Variants in PCDHA4 observed in about 807,000 individuals in gnomAD.
PCDHA4 encodes protocadherin alpha 4.
Under a neutral mutation model 61.4 loss-of-function variants are expected in PCDHA4, and 49 were observed. The ratio of observed to expected loss-of-function variants is 0.80; its 90% CI spans 0.63 to 1.01. The LOEUF is 1.01. PCDHA4 is among the 50% of genes least tolerant of loss of function. The pLI is 0.00. For missense variants in PCDHA4, 1,254 were observed against 1,235.8 expected (o/e 1.01, Z -0.22); for synonymous variants, 590 against 550.3 (o/e 1.07, Z -1.01).
At chr5:140,926,409 C>G (rs1426750263) in intron 1 of PCDHA4, 3 of 152,670 alleles carry the variant, frequency 2.0e-5, no homozygotes, top group Admixed American at 6.5e-5. Context: ...CAGCAATCTG[C>G]GGGCAGAGGA....
chr5:140,967,084 T>G (rs782593106), intron 1 of PCDHA4: 1 of 1,613,270 alleles, frequency 6.2e-7, no homozygotes, highest in Admixed American at 1.7e-5. Context: ...AGCGCATTGA[T>G]CGGGAGGCGC....
intron 1 of PCDHA4, among the ~76,000 whole-genome samples, chr5:140,839,337 T>C (rs1776156207): frequency 6.6e-6 from 1 of 151,424 alleles, no homozygotes; most frequent in Non-Finnish European, 1.5e-5. Context: ...CTGAAGTTGA[T>C]AGGGGATCCT....
Position 140,891,839 on chromosome 5 carries a change from T to C in PCDHA4, c.2385+82267T>C, listed in dbSNP as rs10074902. Among the ~76,000 whole-genome samples, 663 of 152,284 alleles carry C rather than the reference T, an allele frequency of 4.4e-3. 7 individuals carry two copies. The highest frequency in any genetic ancestry group is 0.015 in the African/African-American group (618 of 41,564). On this transcript the variant is annotated intron_variant, in intron 1 of 3. Coordinates refer to ENST00000530339, the MANE Select transcript of PCDHA4 (RefSeq NM_018907.4). ...TTAACGGCACTGTAAAAGGACTTGA[T>C]GGAAGGAGCCTGTCCCTCTCTTATG...
chr5:140,870,945 G>T, intron 1 of PCDHA4: 2 of 1,613,724 alleles, frequency 1.2e-6, no homozygotes, highest in Non-Finnish European at 1.7e-6. Flanking sequence ...AGCCGGCGGC[G>T]GGCGGCTCGC....
chr5:140,926,990 G>T (rs2083733718), intron 1 of PCDHA4: 1 of 1,611,558 alleles, frequency 6.2e-7, no homozygotes, highest in Admixed American at 1.7e-5. Flanking sequence ...ACGGAGCGGG[G>T]CGTAGCCGTA....
At chr5:140,966,463 TC>T in intron 1 of PCDHA4, 1 of 429,360 alleles carries the variant, frequency 2.3e-6, no homozygotes, top group Non-Finnish European at 4.0e-6. Flanking sequence ...CCCTCTGTCT[TC>T]CCTTCTGTTT....
At chr5:140,993,673 TG>T (rs2097577380) in intron 3 of PCDHA4, among the ~76,000 whole-genome samples, 1 of 152,322 alleles carries the variant, frequency 6.6e-6, no homozygotes, top group East Asian at 1.9e-4. Context: ...GGACCACATA[TG>T]TGACAGCTGT....
intron 3 of PCDHA4, among the ~76,000 whole-genome samples, chr5:140,999,478 T>C (rs2097859281): frequency 6.6e-6 from 1 of 152,172 alleles, no homozygotes; most frequent in Non-Finnish European, 1.5e-5. Flanking sequence ...AGATTCCAAC[T>C]CAAGTCTATG....
chr5:140,862,612 A>G, intron 1 of PCDHA4: 1 of 522,286 alleles, frequency 1.9e-6, no homozygotes, highest in Admixed American at 2.0e-5. Context: ...CGTGAAAGGT[A>G]ACAACCCGCG....
intron 1 of PCDHA4, chr5:140,823,597 T>C: frequency 6.2e-7 from 1 of 1,614,008 alleles, no homozygotes; most frequent in East Asian, 2.2e-5. Flanking sequence ...TTGGCTTTCG[T>C]ATGAGCTGCA....
intron 1 of PCDHA4, chr5:140,871,327 C>T (rs782093100): frequency 6.2e-6 from 10 of 1,613,984 alleles, no homozygotes; most frequent in East Asian, 4.5e-5. Context: ...GGTGTGCTCC[C>T]GCGCGGTGGG....
At chr5:140,823,665 C>A (rs782647575) in intron 1 of PCDHA4, 3 of 1,614,048 alleles carry the variant, frequency 1.9e-6, no homozygotes, top group Non-Finnish European at 2.5e-6. Flanking sequence ...CAGGCGAGAT[C>A]AGCACAACAC....
At chr5:140,849,283 A>G (rs1554142852) in intron 1 of PCDHA4, 1 of 1,191,538 alleles carries the variant, frequency 8.4e-7, no homozygotes, top group Admixed American at 2.6e-5. Context: ...CTGGTGATTC[A>G]CCCCAATGCC....
At chr5:140,951,234 C>A (rs1003242029) in intron 1 of PCDHA4, among the ~76,000 whole-genome samples, 2 of 152,028 alleles carry the variant, frequency 1.3e-5, no homozygotes. Flanking sequence ...ATGGTCTTTA[C>A]CTTTAGGAAT....
chr5:140,926,819 C>T, intron 1 of PCDHA4: 1 of 1,493,950 alleles, frequency 6.7e-7, no homozygotes. Context: ...CTCGTGCTCT[C>T]CAGGAGTCCG....
chr5:140,925,084 AGGAAGGAAGGAAGGAAGGAAGGAG>A (rs1554202501), intron 1 of PCDHA4, among the ~76,000 whole-genome samples: 1 of 144,612 alleles, frequency 6.9e-6, no homozygotes, highest in Admixed American at 6.7e-5. Flanking sequence ...TCATCTGGAA[AGGAAGGAAGGAAGGAAGGAAGGAG>A]GGAAGGAAGG....
intron 1 of PCDHA4, chr5:140,851,591 T>C: frequency 1.1e-6 from 1 of 917,932 alleles, no homozygotes. Context: ...TTTTTTGAAA[T>C]TCAGTTTACA....
chr5:140,983,523 T>G (rs1186391173), intron 3 of PCDHA4, among the ~76,000 whole-genome samples: 1 of 152,224 alleles, frequency 6.6e-6, no homozygotes, highest in East Asian at 1.9e-4. Flanking sequence ...CTGTGCCAAG[T>G]ACATTGTATG....
chr5:140,932,637 T>G (rs1554209011), intron 1 of PCDHA4, among the ~76,000 whole-genome samples: 2 of 151,870 alleles, frequency 1.3e-5, no homozygotes, highest in Non-Finnish European at 3.0e-5. Flanking sequence ...TAAAAAACTT[T>G]AGAATGATGA....
Sources: gnomAD v4.1 joint callset for allele counts (sites outside exome capture counted in the v4.1 genomes callset) on GRCh38, gnomAD v4.1.1 for gene constraint, MANE v1.5 for transcripts, NCBI Gene and HGNC (gene_info 2026-07-23, HGNC 2026-07-21) for gene names.